TRAT1: variants seen among roughly 807,000 people sequenced by gnomAD.
TRAT1 encodes T cell receptor associated transmembrane adaptor 1.
In TRAT1, 20 loss-of-function variants were observed where a neutral mutation model predicts 20.0. That is an observed-to-expected ratio of 1.00 (90% CI 0.70 to 1.45). The LOEUF is 1.45. Among genes scored for constraint, TRAT1 ranks in the 40% most tolerant of loss-of-function variants. TRAT1 has a pLI of 0.00. For missense variants in TRAT1, 237 were observed against 224.1 expected, an observed-to-expected ratio of 1.06 and a Z score of -0.37; for synonymous variants, 77 against 74.2, an observed-to-expected ratio of 1.04 and a Z score of -0.20.
chr3:108,854,462 T>G lies in TRAT1; in HGVS notation c.*585T>G, dbSNP rs1473126492. ...CAAAAATTGTCAAATTAATGCATGC[T>G]CCTTACAACAAACAAATATCAAAAA... On this transcript the variant is annotated 3_prime_UTR_variant, in exon 6 of 6. Coordinates refer to ENST00000295756, the MANE Select transcript of TRAT1 (RefSeq NM_016388.4). 1 of 152,220 alleles carries G rather than the reference T, an allele frequency of 6.6e-6. No homozygotes were observed. Among genetic ancestry groups the G allele is most frequent in the African/African-American group, 2.4e-5 (1 of 41,454 alleles). 9.4% of individuals were successfully genotyped at this position (152,220 alleles called of 1,614,324 possible). A position where few individuals can be genotyped will look rare whatever the true frequency, so the allele number is the denominator to read the frequency against.
At chr3:108,833,431 CA>C (rs111297620) in intron 2 of TRAT1, among the ~76,000 whole-genome samples, 22 of 150,270 alleles carry the variant, frequency 1.5e-4, no homozygotes, top group African/African-American at 4.1e-4. Flanking sequence ...CAAAACAAAA[CA>C]AAAAAAAACC....
intron 2 of TRAT1, among the ~76,000 whole-genome samples, chr3:108,837,867 A>G (rs2107510692): frequency 6.6e-6 from 1 of 152,318 alleles, no homozygotes; most frequent in South Asian, 2.1e-4. Flanking sequence ...ATTATCCCTT[A>G]CTTTTTTTCA....
intron 3 of TRAT1, among the ~76,000 whole-genome samples, chr3:108,844,626 T>C (rs919857383): frequency 2.0e-5 from 3 of 151,448 alleles, no homozygotes; most frequent in African/African-American, 7.3e-5. Context: ...GGGCAGATAA[T>C]GAGGTCAGAA....
intron 2 of TRAT1, among the ~76,000 whole-genome samples, chr3:108,833,893 T>C (rs1945817025): frequency 6.6e-6 from 1 of 152,026 alleles, no homozygotes; most frequent in South Asian, 2.1e-4. Flanking sequence ...CCCATCACCA[T>C]ACCTAGTGGC....
intron 5 of TRAT1, among the ~76,000 whole-genome samples, chr3:108,851,341 G>A (rs891904976): frequency 2.6e-5 from 4 of 152,174 alleles, no homozygotes; most frequent in Admixed American, 1.3e-4. Context: ...AGAAAGCCTA[G>A]TAATAAAGTG....
intron 2 of TRAT1, among the ~76,000 whole-genome samples, chr3:108,836,075 A>G (rs1474425829): frequency 6.6e-6 from 1 of 151,848 alleles, no homozygotes; most frequent in Non-Finnish European, 1.5e-5. Flanking sequence ...GCATGCCACC[A>G]TGCCCAGCTA....
rs1945775455 is a variant in TRAT1 at position 108,829,738 on chromosome 3, ACT to A, written c.8-930_8-929del. Among the ~76,000 whole-genome samples the A allele has an allele frequency of 2.0e-5, 3 of 152,114 alleles. No homozygotes were observed. The South Asian group carries it at 6.2e-4, about 31-fold the overall frequency. Reference sequence around the variant, plus strand: ...TTGGGATGTCATAGTGCAATGCATTACTCATATGTTTATGGTGATGCTGGTGT... The same window carrying A: ...TTGGGATGTCATAGTGCAATGCATTACATATGTTTATGGTGATGCTGGTGT... On this transcript the variant is annotated intron_variant, in intron 1 of 5. Coordinates refer to ENST00000295756, the MANE Select transcript of TRAT1 (RefSeq NM_016388.4).
chr3:108,842,424 C>T (rs1945903503), intron 3 of TRAT1, among the ~76,000 whole-genome samples: 1 of 152,184 alleles, frequency 6.6e-6, no homozygotes, highest in African/African-American at 2.4e-5. Flanking sequence ...GACAAGAGAA[C>T]TCTTGGGTCC....
intron 2 of TRAT1, among the ~76,000 whole-genome samples, chr3:108,834,427 C>T (rs1322150006): frequency 6.6e-6 from 1 of 152,164 alleles, no homozygotes; most frequent in Non-Finnish European, 1.5e-5. Flanking sequence ...CTTTCCATCC[C>T]ATATGAACAA....
intron 5 of TRAT1, among the ~76,000 whole-genome samples, 199 bp from the exon 6 acceptor site, chr3:108,853,420 CT>C (rs1310030379): frequency 6.6e-6 from 1 of 152,154 alleles, no homozygotes; most frequent in Non-Finnish European, 1.5e-5. Context: ...CATCTAAGCA[CT>C]TTTTCAACTC....
intron 4 of TRAT1, 51 bp from the exon 5 acceptor site, chr3:108,849,115 C>A: frequency 7.0e-7 from 1 of 1,436,308 alleles, no homozygotes; most frequent in Non-Finnish European, 9.8e-7. Flanking sequence ...TTTAATCATA[C>A]TAGTATTTTT....
chr3:108,852,523 A>T (rs1946007082), intron 5 of TRAT1, among the ~76,000 whole-genome samples: 1 of 152,206 alleles, frequency 6.6e-6, no homozygotes, highest in Non-Finnish European at 1.5e-5. Context: ...ATGCTTACTT[A>T]CGCATTAGAA....
chr3:108,840,845 T>G (rs1476461429), intron 3 of TRAT1, among the ~76,000 whole-genome samples: 1 of 152,240 alleles, frequency 6.6e-6, no homozygotes, highest in Admixed American at 6.5e-5. Context: ...TAAGATTCAT[T>G]CAGAGATAGT....
intron 3 of TRAT1, among the ~76,000 whole-genome samples, chr3:108,845,226 GTTTA>G (rs1450210647): frequency 6.6e-6 from 1 of 152,168 alleles, no homozygotes; most frequent in East Asian, 1.9e-4. Context: ...CTGAATAATA[GTTTA>G]TTTGAGATGA....
At chr3:108,827,843 T>C (rs1283020095) in intron 1 of TRAT1, among the ~76,000 whole-genome samples, 6 of 152,236 alleles carry the variant, frequency 3.9e-5, no homozygotes, top group African/African-American at 1.2e-4. Flanking sequence ...CCCAAATTCT[T>C]GCCTTAGTGT....
intron 5 of TRAT1, among the ~76,000 whole-genome samples, chr3:108,852,339 C>T (rs1946005122): frequency 6.6e-6 from 1 of 152,084 alleles, no homozygotes; most frequent in South Asian, 2.1e-4. Context: ...TGAGATCGCA[C>T]CACTGCACTC....
At chr3:108,830,152 T>C (rs994359237) in intron 1 of TRAT1, among the ~76,000 whole-genome samples, 5 of 152,160 alleles carry the variant, frequency 3.3e-5, no homozygotes, top group Non-Finnish European at 7.3e-5. Flanking sequence ...CTACATAGTA[T>C]GAGAAAAGCT....
intron 3 of TRAT1, among the ~76,000 whole-genome samples, chr3:108,843,771 G>A (rs955555312): frequency 2.6e-5 from 4 of 151,938 alleles, no homozygotes; most frequent in Admixed American, 6.6e-5. Context: ...ATCAAATCTC[G>A]GTTTCAGCTT....
At chr3:108,843,494 C>T (rs1392663572) in intron 3 of TRAT1, among the ~76,000 whole-genome samples, 1 of 152,140 alleles carries the variant, frequency 6.6e-6, no homozygotes, top group Non-Finnish European at 1.5e-5. Context: ...CACACCACTG[C>T]ACTCCAACAT....
Sources: allele counts gnomAD v4.1 joint callset (sites outside exome capture counted in the v4.1 genomes callset), GRCh38; gene constraint gnomAD v4.1.1; transcripts MANE v1.5; gene names NCBI Gene and HGNC (gene_info 2026-07-23, HGNC 2026-07-21).